CD163L1: variants seen among roughly 807,000 people sequenced by gnomAD.
CD163L1 encodes scavenger receptor cysteine-rich type 1 protein M160.
In CD163L1, 124 loss-of-function variants were observed where a neutral mutation model predicts 165.4. That is an observed-to-expected ratio of 0.75 (90% CI 0.65 to 0.87). The LOEUF (loss-of-function observed/expected upper bound fraction) is 0.87. Among genes scored for constraint, CD163L1 ranks in the 40% least tolerant of loss-of-function variants. The pLI is 0.00. For synonymous variants in CD163L1, 585 were observed against 662.2 expected (o/e 0.88, Z 1.79); for missense variants, 1,525 against 1,799.9 (o/e 0.85, Z 2.76).
intron 2 of CD163L1, among the ~76,000 whole-genome samples, chr12:7,435,226 A>C (rs962085184): frequency 4.7e-5 from 7 of 150,506 alleles, no homozygotes; most frequent in Non-Finnish European, 8.9e-5. Context: ...ATTTCTACCA[A>C]GGTGTGATAA....
the CD163L1 span, chr12:7,324,595 A>G: frequency 1.9e-6 from 3 of 1,613,830 alleles, no homozygotes; most frequent in South Asian, 3.3e-5. Context: ...AAATCCGCGG[A>G]GAGGTAGATG....
In CD163L1 at chr12:7,406,440, C is replaced by T. The variant is rs1212467500; in HGVS notation, c.1087+92G>A. On this transcript the variant is annotated intron_variant, in intron 5 of 19. Coordinates refer to ENST00000313599, the MANE Select transcript of CD163L1 (RefSeq NM_174941.6). The stretch of plus-strand genomic sequence containing the variant: ...TTGTAACTTCTTCACAATTCTTACA[C>T]ATCACAATTGGTTGTAACTTTTTCA... 9.4e-6 allele frequency: 11 copies of T among 1,169,674 alleles called. 1 individual carries two copies. The highest frequency in any genetic ancestry group is 9.3e-5 in the African/African-American group (6 of 64,254). 72.5% of individuals were successfully genotyped at this position (1,169,674 alleles called of 1,614,324 possible). A position where few individuals can be genotyped will look rare whatever the true frequency, so the allele number is the denominator to read the frequency against.
chr12:7,415,207 CAG>C (rs1479507662), intron 4 of CD163L1, among the ~76,000 whole-genome samples: 2 of 151,916 alleles, frequency 1.3e-5, no homozygotes, highest in African/African-American at 2.4e-5. Context: ...TAAAATATAA[CAG>C]ATCTGCATTT....
rs147494454 is a variant in CD163L1, at chr12:7,365,182, C to T, written c.4279+2054G>A. 2.8e-3 allele frequency among the ~76,000 whole-genome samples: 420 copies of T among 152,132 alleles called. 5 individuals carry two copies. Among genetic ancestry groups the T allele is most frequent in the African/African-American group, 8.8e-3 (366 of 41,512 alleles). On this transcript the variant is annotated intron_variant, in intron 18 of 19. Coordinates refer to ENST00000313599, the MANE Select transcript of CD163L1 (RefSeq NM_174941.6). ...ATACATTGGGAAAAGACAGTCTCTT[C>T]AATAAATGGCACTGGGAAAACTGGA...
intron 11 of CD163L1, among the ~76,000 whole-genome samples, 153 bp downstream of exon 11, chr12:7,375,128 T>C (rs1324577008): frequency 6.6e-6 from 1 of 152,136 alleles, no homozygotes; most frequent in East Asian, 1.9e-4. Context: ...GTCCTAGTTA[T>C]CATTATTTCT....
chr12:7,343,792 A>AT (rs1946651893), downstream of CD163L1, among the ~76,000 whole-genome samples: 1 of 152,112 alleles, frequency 6.6e-6, no homozygotes. Flanking sequence ...CCCAAATCTT[A>AT]TGTCCTCACA....
the CD163L1 span, among the ~76,000 whole-genome samples, chr12:7,339,985 C>T: frequency 6.6e-6 from 1 of 152,088 alleles, no homozygotes; most frequent in Non-Finnish European, 1.5e-5. Context: ...ACATTACGAC[C>T]ATGTGTTAAT....
At chr12:7,371,874 T>C (rs759704839) in intron 14 of CD163L1, among the ~76,000 whole-genome samples, 53 of 151,804 alleles carry the variant, frequency 3.5e-4, no homozygotes, top group Non-Finnish European at 5.7e-4. Context: ...CAATAAAATA[T>C]ATGAATATAT....
chr12:7,372,626 C>A lies in CD163L1; in HGVS notation c.3730+694G>T, dbSNP rs1216834206. Among the ~76,000 whole-genome samples, 1 of 151,548 alleles carries A rather than the reference C, an allele frequency of 6.6e-6. No homozygotes were observed. ...ATATAGTGTAACACTACATTACATGCATATATATCATACTATATATACATA... is the reference window on the plus strand; with the variant it reads ...ATATAGTGTAACACTACATTACATGAATATATATCATACTATATATACATA... On this transcript the variant is annotated intron_variant, in intron 14 of 19. Coordinates refer to ENST00000313599, the MANE Select transcript of CD163L1 (RefSeq NM_174941.6). This position sits in a 1 kb window ranked among gnomAD's most constrained non-coding sequence, Gnocchi z 4.2.
At chr12:7,435,134 A>G (rs913072636) in intron 2 of CD163L1, among the ~76,000 whole-genome samples, 14 of 152,022 alleles carry the variant, frequency 9.2e-5, no homozygotes, top group Admixed American at 2.0e-4. Flanking sequence ...GATATTTGCC[A>G]TTTCTATTTT....
chr12:7,374,711 C>G lies in CD163L1; in HGVS notation c.3140G>C (p.Gly1047Ala), dbSNP rs376522309. The change falls in exon 13 of 20, where the codon GGG becomes GCG. Residue 1047 changes from glycine (G) to alanine (A), a missense_variant. Physicochemically the swap from Gly to Ala is moderately conservative, Grantham distance 60. Transcript: ENST00000313599. The surrounding 1 kb of genome is among the most constrained non-coding windows in gnomAD (Gnocchi z 5.4). Reference sequence around the variant, plus strand: ...GCCGTCGTGATAGATCTCTACTCTCCCGGCACAGCGGCTGTCCCCATCCAC... The same window carrying G: ...GCCGTCGTGATAGATCTCTACTCTCGCGGCACAGCGGCTGTCCCCATCCAC... ...RLVDGDSRCAGRVEIYHDGFW... is the reference protein window; with the variant it reads ...RLVDGDSRCAARVEIYHDGFW... 1.9e-6 allele frequency: 3 copies of G among 1,613,992 alleles called. No individual in the cohort carries two copies. The highest frequency in any genetic ancestry group is 2.7e-5 in the African/African-American group (2 of 74,928).
downstream of CD163L1, among the ~76,000 whole-genome samples, chr12:7,349,973 C>T (rs910886220): frequency 1.3e-5 from 2 of 152,116 alleles, no homozygotes; most frequent in African/African-American, 4.8e-5. Flanking sequence ...TTATTGCTAA[C>T]ATTCTCTCCT....
intron 4 of CD163L1, among the ~76,000 whole-genome samples, chr12:7,414,145 T>C (rs1948192646): frequency 6.6e-6 from 1 of 152,040 alleles, no homozygotes; most frequent in South Asian, 2.1e-4. Flanking sequence ...AAAAACAGCC[T>C]GACAAAGAAT....
At chr12:7,322,819 T>A in the CD163L1 span, among the ~76,000 whole-genome samples, 447 of 152,290 alleles carry the variant, frequency 2.9e-3, 3 homozygotes, top group South Asian at 0.01. Context: ...CAGCTCATCT[T>A]TCCACTGTGC....
At chr12:7,433,031 A>C (rs1260356863) in intron 3 of CD163L1, among the ~76,000 whole-genome samples, 2 of 152,174 alleles carry the variant, frequency 1.3e-5, no homozygotes, top group East Asian at 1.9e-4. Flanking sequence ...TACCTGGTAC[A>C]TGAAAAAAGG....
chr12:7,380,055 A>T (rs1263470418), intron 8 of CD163L1, among the ~76,000 whole-genome samples: 1 of 152,166 alleles, frequency 6.6e-6, no homozygotes, highest in Admixed American at 6.5e-5. Flanking sequence ...TGTAACTAGT[A>T]CAACCGCTAT....
chr12:7,400,441 C>T lies in CD163L1; in HGVS notation c.1409-1857G>A, dbSNP rs900726681. Among the ~76,000 whole-genome samples the T allele has an allele frequency of 6.6e-6, 1 of 152,204 alleles. No homozygotes were observed. The highest frequency in any genetic ancestry group is 2.4e-5 in the African/African-American group (1 of 41,540). ...AAATATATAAATGAAGTAGTGTATC[C>T]TGTTCTAGTATAGGATAACTGGATA... On this transcript the variant is annotated intron_variant, in intron 6 of 19. Coordinates refer to ENST00000313599, the MANE Select transcript of CD163L1 (RefSeq NM_174941.6). This position sits in a 1 kb window ranked among gnomAD's most constrained non-coding sequence, Gnocchi z 4.1.
chr12:7,380,040 G>A (rs994560410), intron 8 of CD163L1, among the ~76,000 whole-genome samples: 5 of 151,998 alleles, frequency 3.3e-5, no homozygotes, highest in Admixed American at 6.5e-5. Context: ...CACTGCTGGT[G>A]GGAATGTAAC....
At chr12:7,332,687 T>G in the CD163L1 span, among the ~76,000 whole-genome samples, 4 of 152,066 alleles carry the variant, frequency 2.6e-5, no homozygotes, top group Non-Finnish European at 5.9e-5. Context: ...CAAACTAAGC[T>G]TCATAAGTGA....
Sources: allele counts gnomAD v4.1 joint callset (sites outside exome capture counted in the v4.1 genomes callset), GRCh38; gene constraint gnomAD v4.1.1; non-coding constraint Gnocchi (gnomAD v3.1); transcripts MANE v1.5; gene names NCBI Gene and HGNC (gene_info 2026-07-23, HGNC 2026-07-21).